MACROD2: variants seen among roughly 807,000 people sequenced by gnomAD.
MACROD2 encodes the protein ADP-ribose glycohydrolase MACROD2.
Under a neutral mutation model 70.4 loss-of-function variants are expected in MACROD2, and 36 were observed. The observed-to-expected ratio is 0.51, with a 90% CI of 0.39 to 0.68. The LOEUF (loss-of-function observed/expected upper bound fraction) is 0.68, where lower values mean the gene tolerates loss of function less well. Among genes scored for constraint, MACROD2 ranks in the 30% least tolerant of loss-of-function variants. The pLI is 0.00. For synonymous variants in MACROD2, 172 were observed against 178.8 expected (o/e 0.96, Z 0.30); for missense variants, 496 against 538.4 (o/e 0.92, Z 0.78).
chr20:15,407,315 A>C (rs982349384), intron 6 of MACROD2, among the ~76,000 whole-genome samples: 2 of 152,124 alleles, frequency 1.3e-5, no homozygotes, highest in African/African-American at 4.8e-5. Context: ...CTCAATGGAA[A>C]AGTTGTGTTC....
chr20:14,639,016 T>C (rs1372291617), intron 4 of MACROD2, among the ~76,000 whole-genome samples: 1 of 151,648 alleles, frequency 6.6e-6, no homozygotes, highest in Non-Finnish European at 1.5e-5. Flanking sequence ...TAGTAGCACA[T>C]AGTAGGCATT....
chr20:15,861,515 TATAATCC>T (rs201196721), intron 8 of MACROD2, among the ~76,000 whole-genome samples: 3,628 of 152,280 alleles, frequency 0.024, 66 homozygotes, highest in Non-Finnish European at 0.038. Context: ...CCGTTTCCCT[TATAATCC>T]ATCCTTTGAA....
At chr20:14,200,345 G>A (rs902548742) in intron 3 of MACROD2, among the ~76,000 whole-genome samples, 1 of 152,168 alleles carries the variant, frequency 6.6e-6, no homozygotes, top group African/African-American at 2.4e-5. Flanking sequence ...GACCCATAGA[G>A]GGGAACAACA....
chr20:15,964,448 G>A (rs1036323468), intron 12 of MACROD2, among the ~76,000 whole-genome samples: 7 of 151,978 alleles, frequency 4.6e-5, no homozygotes, highest in Non-Finnish European at 1.0e-4. Context: ...TTTTATAAGG[G>A]TACTAATCTC....
At chr20:14,007,635 A>T (rs2052841603) in intron 2 of MACROD2, among the ~76,000 whole-genome samples, 2 of 152,196 alleles carry the variant, frequency 1.3e-5, no homozygotes, top group African/African-American at 4.8e-5. Flanking sequence ...TTCTTTGTTG[A>T]GACAAGAGTT....
chr20:14,818,645 A>C (rs1042704723), intron 5 of MACROD2, among the ~76,000 whole-genome samples: 3 of 151,990 alleles, frequency 2.0e-5, no homozygotes, highest in African/African-American at 7.2e-5. Context: ...TATAGCATGC[A>C]TGCAGAAGAT....
intron 3 of MACROD2, among the ~76,000 whole-genome samples, chr20:14,116,821 C>T (rs899731480): frequency 6.6e-6 from 1 of 152,106 alleles, no homozygotes; most frequent in Non-Finnish European, 1.5e-5. Context: ...GTAATCCCAG[C>T]ACTTTGGGAG....
At chr20:14,877,649 T>A (rs1445653673) in intron 5 of MACROD2, among the ~76,000 whole-genome samples, 1 of 152,054 alleles carries the variant, frequency 6.6e-6, no homozygotes, top group African/African-American at 2.4e-5. Flanking sequence ...TTCTTGAGGT[T>A]TTTTTGTTTT....
chr20:14,505,802 T>A (rs1458642657), intron 4 of MACROD2, among the ~76,000 whole-genome samples: 1 of 152,150 alleles, frequency 6.6e-6, no homozygotes, highest in Non-Finnish European at 1.5e-5. Flanking sequence ...GGATTTTAGG[T>A]TATGGCAGAG....
At chr20:15,118,475 G>C (rs1468615489) in intron 5 of MACROD2, among the ~76,000 whole-genome samples, 2 of 152,156 alleles carry the variant, frequency 1.3e-5, no homozygotes, top group Non-Finnish European at 2.9e-5. Flanking sequence ...GCAAGCATGA[G>C]CCACCATGCC....
intron 3 of MACROD2, among the ~76,000 whole-genome samples, chr20:14,280,253 C>CAA (rs2082296172): frequency 6.6e-6 from 1 of 151,802 alleles, no homozygotes; most frequent in African/African-American, 2.4e-5. Flanking sequence ...AATGATAGGC[C>CAA]AAAGGATATC....
At chr20:14,176,949 T>A (rs1444218704) in intron 3 of MACROD2, among the ~76,000 whole-genome samples, 1 of 152,178 alleles carries the variant, frequency 6.6e-6, no homozygotes, top group Non-Finnish European at 1.5e-5. Context: ...AAAGATCAAA[T>A]CCTTAAGAAT....
chr20:15,258,311 C>A (rs1007611499), intron 6 of MACROD2, among the ~76,000 whole-genome samples: 4 of 151,944 alleles, frequency 2.6e-5, no homozygotes, highest in African/African-American at 9.7e-5. Flanking sequence ...ATGTGTGAGG[C>A]CTTCACACTC....
At chr20:15,472,631 C>A (rs1180764259) in intron 7 of MACROD2, among the ~76,000 whole-genome samples, 1 of 152,116 alleles carries the variant, frequency 6.6e-6, no homozygotes, top group Non-Finnish European at 1.5e-5. Flanking sequence ...TATTTTCCAG[C>A]CTTTTTTCTC....
intron 5 of MACROD2, among the ~76,000 whole-genome samples, chr20:14,782,622 C>T (rs2072315964): frequency 6.6e-6 from 1 of 152,050 alleles, no homozygotes. Context: ...AGCCCCTTCA[C>T]CTCAATTCCT....
chr20:14,865,695 T>C (rs998992971), intron 5 of MACROD2, among the ~76,000 whole-genome samples: 2 of 152,132 alleles, frequency 1.3e-5, no homozygotes, highest in African/African-American at 4.8e-5. Context: ...ATGTATTATA[T>C]ACCAGATTTG....
At chr20:15,968,074 T>G (rs1292569270) in intron 13 of MACROD2, among the ~76,000 whole-genome samples, 1 of 152,190 alleles carries the variant, frequency 6.6e-6, no homozygotes, top group African/African-American at 2.4e-5. Flanking sequence ...AATTTCCTAA[T>G]GTAAACCAGT....
At chr20:15,476,639 A>G (rs1034245737) in intron 7 of MACROD2, among the ~76,000 whole-genome samples, 1 of 151,470 alleles carries the variant, frequency 6.6e-6, no homozygotes, top group African/African-American at 2.4e-5. Flanking sequence ...TGTTTCCCTG[A>G]GCTGGTAGAG....
At chr20:15,096,043 GT>G (rs2075829037) in intron 5 of MACROD2, among the ~76,000 whole-genome samples, 1 of 152,118 alleles carries the variant, frequency 6.6e-6, no homozygotes, top group Non-Finnish European at 1.5e-5. Context: ...ACAAAAGAGT[GT>G]TTTTCCCCCC....
Sources: allele counts gnomAD v4.1 joint callset (sites outside exome capture counted in the v4.1 genomes callset), GRCh38; gene constraint gnomAD v4.1.1; transcripts MANE v1.5; gene names NCBI Gene and HGNC (gene_info 2026-07-23, HGNC 2026-07-21).